BANF2: variants seen among roughly 807,000 people sequenced by gnomAD.
BANF2 encodes barrier-to-autointegration factor-like protein.
A neutral mutation model predicts 8.0 loss-of-function variants in BANF2; 4 were observed. The observed-to-expected ratio is 0.50, with a 90% CI of 0.25 to 1.14. BANF2 has a LOEUF of 1.14. BANF2 is among the 50% of genes most tolerant of loss of function. The pLI is 0.16. For missense variants in BANF2, 96 were observed against 107.5 expected, an observed-to-expected ratio of 0.89 and a Z score of 0.47; for synonymous variants, 50 against 40.6, an observed-to-expected ratio of 1.23 and a Z score of -0.88.
At chr20:17,708,075 GA>G (rs1471197579) in intron 1 of BANF2, among the ~76,000 whole-genome samples, 3 of 131,666 alleles carry the variant, frequency 2.3e-5, no homozygotes, top group Non-Finnish European at 4.9e-5. Context: ...AAACCAAAAA[GA>G]ATTAGCCAGG....
At chr20:17,735,054 G>C (rs2037956296) in intron 3 of BANF2, among the ~76,000 whole-genome samples, 1 of 152,130 alleles carries the variant, frequency 6.6e-6, no homozygotes, top group Non-Finnish European at 1.5e-5. Flanking sequence ...ACTCCGGCCT[G>C]GGCGACAGAG....
Position 17,710,846 on chromosome 20 carries a change from T to C in BANF2, c.-167+10791T>C, listed in dbSNP as rs566337972. ...GAGTGGAATCCCAGCAGGAAGAACTTTGGACCCTTGCAGTTCCCGCAGCAA... is the reference window on the plus strand; with the variant it reads ...GAGTGGAATCCCAGCAGGAAGAACTCTGGACCCTTGCAGTTCCCGCAGCAA... On this transcript the variant is annotated intron_variant, in intron 1 of 3. Coordinates refer to ENST00000246090, the MANE Select transcript of BANF2 (RefSeq NM_178477.5). 2.4e-3 allele frequency among the ~76,000 whole-genome samples: 365 copies of C among 151,990 alleles called. 2 individuals are homozygous for C. Among genetic ancestry groups the C allele is most frequent in the South Asian group, 0.016 (77 of 4,816 alleles).
chr20:17,695,714 A>G (rs2037341600), upstream of BANF2, among the ~76,000 whole-genome samples: 1 of 152,180 alleles, frequency 6.6e-6, no homozygotes, highest in Admixed American at 6.5e-5. Flanking sequence ...AAATTCACAC[A>G]TTAAGTGTAC....
rs375278663 is a variant in BANF2, at chr20:17,725,065, G to T, written c.40G>T (p.Glu14Ter). Residue 14 changes from glutamate (E) to a stop codon, truncating the protein, a stop_gained, in exon 3 of 4, where the codon GAA becomes TAA. Transcript: ENST00000246090. LOFTEE classifies it high-confidence loss of function. ...TCCCAGGCTGAGAGCCTTCCTCTCC[G>T]AACCCATTGGAGAAAAGGATGTCTG... ...MSPRLRAFLS[E>*]PIGEKDVCWV... 6.2e-7 allele frequency: 1 copy of T among 1,607,620 alleles called. No homozygotes were observed. The highest frequency in any genetic ancestry group is 1.3e-5 in the African/African-American group (1 of 74,812).
chr20:17,725,066 A>C lies in BANF2; in HGVS notation c.41A>C (p.Glu14Ala), dbSNP rs755990271. 6.2e-7 allele frequency: 1 copy of C among 1,608,832 alleles called. No individual in the cohort carries two copies. The highest frequency in any genetic ancestry group is 2.2e-5 in the East Asian group (1 of 44,846). The change falls in exon 3 of 4, where the codon GAA becomes GCA. Residue 14 changes from glutamate to alanine, a missense_variant. Transcript: ENST00000246090. Reference protein sequence around the residue: ...MSPRLRAFLSEPIGEKDVCWV... With the variant: ...MSPRLRAFLSAPIGEKDVCWV... Reference sequence around the variant, plus strand: ...CCCAGGCTGAGAGCCTTCCTCTCCGAACCCATTGGAGAAAAGGATGTCTGC... The same window carrying C: ...CCCAGGCTGAGAGCCTTCCTCTCCGCACCCATTGGAGAAAAGGATGTCTGC...
At chr20:17,721,643 C>T (rs1264478580) in intron 1 of BANF2, among the ~76,000 whole-genome samples, 2 of 152,062 alleles carry the variant, frequency 1.3e-5, no homozygotes, top group Admixed American at 6.5e-5. Context: ...CTGCCTGCCT[C>T]GGCCTCCCAA....
Position 17,725,006 on chromosome 20 carries a change from C to T in BANF2, c.-3-17C>T. 1 of 1,601,994 alleles carries T rather than the reference C, an allele frequency of 6.2e-7. No individual in the cohort carries two copies. The highest frequency in any genetic ancestry group is 1.7e-5 in the Admixed American group (1 of 59,930). Reference sequence around the variant, plus strand: ...CAGGTATCTGCTAATCCTCCTCTCTCCCCACTGCTGTCGCAGGAGATGGAC... The same window carrying T: ...CAGGTATCTGCTAATCCTCCTCTCTTCCCACTGCTGTCGCAGGAGATGGAC... On this transcript the variant is annotated splice_polypyrimidine_tract_variant and intron_variant, in intron 2 of 3. Transcript: ENST00000246090.
intron 1 of BANF2, among the ~76,000 whole-genome samples, chr20:17,703,583 T>A (rs1461100310): frequency 3.9e-5 from 6 of 152,146 alleles, no homozygotes; most frequent in African/African-American, 1.4e-4. Flanking sequence ...TTCCACATTG[T>A]GTCACTGAGG....
At chr20:17,708,388 T>C (rs2037517863) in intron 1 of BANF2, among the ~76,000 whole-genome samples, 2 of 152,194 alleles carry the variant, frequency 1.3e-5, no homozygotes. Context: ...GTTGGGTCCA[T>C]ACAGCATTAT....
At chr20:17,726,069 A>T (rs965775033) in intron 3 of BANF2, among the ~76,000 whole-genome samples, 2 of 152,244 alleles carry the variant, frequency 1.3e-5, no homozygotes, top group African/African-American at 2.4e-5. Context: ...AGATGGTATC[A>T]TCAGAAATGG....
At chr20:17,733,418 T>C (rs1242392690) in intron 3 of BANF2, among the ~76,000 whole-genome samples, 2 of 152,198 alleles carry the variant, frequency 1.3e-5, no homozygotes, top group Admixed American at 1.3e-4. Flanking sequence ...TTAACTACTA[T>C]TATTAAGTAT....
At chr20:17,709,252 A>G (rs897288546) in intron 1 of BANF2, among the ~76,000 whole-genome samples, 3 of 152,074 alleles carry the variant, frequency 2.0e-5, no homozygotes, top group African/African-American at 7.2e-5. Context: ...AGAAGCACAT[A>G]CTCACACCCT....
chr20:17,700,763 G>T (rs540366654), intron 1 of BANF2, among the ~76,000 whole-genome samples: 6 of 152,308 alleles, frequency 3.9e-5, no homozygotes, highest in Admixed American at 2.0e-4. Context: ...ACCTGCACTC[G>T]GCTGAGGGTG....
rs141280037 is a variant in BANF2, at chr20:17,703,256, T to G, written c.-167+3201T>G. Among the ~76,000 whole-genome samples the G allele has an allele frequency of 4.2e-3, 641 of 152,344 alleles. 8 individuals carry two copies. The highest frequency in any genetic ancestry group is 0.037 in the East Asian group (191 of 5,188). On this transcript the variant is annotated intron_variant, in intron 1 of 3. Transcript: ENST00000246090. ...CAATTGCTCCTTATCTCTCTGAAGT[T>G]ACGTTTGTGTGTTTTCTTGTCTACT...
intron 3 of BANF2, among the ~76,000 whole-genome samples, chr20:17,725,776 G>T (rs1181670779): frequency 1.3e-5 from 2 of 152,240 alleles, no homozygotes; most frequent in Non-Finnish European, 2.9e-5. Flanking sequence ...GACAAGGCAG[G>T]CTGTGAACTC....
At chr20:17,712,555 G>GC (rs1371390785) in intron 1 of BANF2, 4 of 980,202 alleles carry the variant, frequency 4.1e-6, no homozygotes, top group Non-Finnish European at 4.8e-6. Flanking sequence ...GGAAGTTCAA[G>GC]CCCCGTGCCC....
At chr20:17,710,595 G>A (rs1344550177) in intron 1 of BANF2, among the ~76,000 whole-genome samples, 2 of 152,114 alleles carry the variant, frequency 1.3e-5, no homozygotes. Context: ...CCCGGGGTGA[G>A]CCCAGGCTGG....
chr20:17,725,431 A>T (rs1464827475), intron 3 of BANF2, among the ~76,000 whole-genome samples: 1 of 152,248 alleles, frequency 6.6e-6, no homozygotes, highest in African/African-American at 2.4e-5. Context: ...GATCAACAGA[A>T]GTAGGTCAGC....
chr20:17,716,857 A>AG (rs1449030879), intron 1 of BANF2, among the ~76,000 whole-genome samples: 2 of 150,774 alleles, frequency 1.3e-5, no homozygotes, highest in East Asian at 1.9e-4. Context: ...AAAAAAAAAA[A>AG]AAAAGAAAGA....
Sources: gnomAD v4.1 joint callset for allele counts (sites outside exome capture counted in the v4.1 genomes callset) on GRCh38, gnomAD v4.1.1 for gene constraint, MANE v1.5 for transcripts, NCBI Gene and HGNC (gene_info 2026-07-23, HGNC 2026-07-21) for gene names.